The following ZZEF1 variants were observed in gnomAD, a reference collection of about 807,000 sequenced individuals.
The protein encoded by ZZEF1 is zinc finger ZZ-type and EF-hand domain containing 1, also known as zinc finger ZZ-type and EF-hand domain-containing protein 1.
ZZEF1 carries 157 observed loss-of-function variants against 342.8 expected under a neutral mutation model. That is an observed-to-expected ratio of 0.46 (90% confidence interval 0.40 to 0.52). ZZEF1 has a LOEUF of 0.52. Ranked by LOEUF, ZZEF1 falls within the 20% of genes least tolerant of loss-of-function variation. ZZEF1 has a pLI of 0.00. For synonymous variants in ZZEF1, 1,505 were observed against 1,429.1 expected, an observed-to-expected ratio of 1.05 and a Z score of -1.20; for missense variants, 3,480 against 3,725.6, an observed-to-expected ratio of 0.93 and a Z score of 1.72.
At position 4,017,828 on chromosome 17, in the gene ZZEF1, T is replaced by G. The variant is rs778211151; in HGVS notation, c.7641+8A>C. 2 of 1,614,104 alleles carry G rather than the reference T, an allele frequency of 1.2e-6. No homozygotes were observed. The highest frequency in any genetic ancestry group is 1.7e-6 in the Non-Finnish European group (2 of 1,180,016). On this transcript the variant is annotated splice_region_variant and intron_variant, in intron 47 of 54. Coordinates refer to ENST00000381638, the MANE Select transcript of ZZEF1 (RefSeq NM_015113.4). This position sits in a 1 kb window ranked among gnomAD's most constrained non-coding sequence, Gnocchi z 5.1. Reference sequence around the variant, plus strand: ...CAGATACTTTGGGTCCGAGGTCGGGTGACATACCAAGCATGGCAGGATAAT... The same window carrying G: ...CAGATACTTTGGGTCCGAGGTCGGGGGACATACCAAGCATGGCAGGATAAT...
At chr17:4,098,934 C>G (rs1293825613) in intron 9 of ZZEF1, among the ~76,000 whole-genome samples, 2 of 152,186 alleles carry the variant, frequency 1.3e-5, no homozygotes, top group Admixed American at 6.5e-5. Flanking sequence ...TGAACTCTTA[C>G]CTTTTCCCAG....
intron 44 of ZZEF1, chr17:4,022,272 A>C (rs1426326269): frequency 6.3e-6 from 1 of 158,450 alleles, no homozygotes; most frequent in Admixed American, 6.2e-5. Flanking sequence ...AGGGAACCAC[A>C]GTAGTTCCGC....
chr17:4,104,714 C>T lies in ZZEF1; in HGVS notation c.1492G>A (p.Asp498Asn). ...GCATCATACTGCGTGTCCAGATGGT[C>T]AGTGATGGTGCATAGAGAGCTCATG... is the stretch of plus-strand genomic sequence containing the variant. The part of the protein sequence containing the change: ...KVMSSLCTIT[D>N]HLDTQYDASS... The change falls in exon 8 of 55, where the codon GAC becomes AAC. Residue 498 changes from aspartate to asparagine, a missense_variant. Asp to Asn is a conservative substitution (Grantham distance 23). Transcript: ENST00000381638. 1 of 1,614,120 alleles carries T rather than the reference C, an allele frequency of 6.2e-7. No homozygotes were observed. The highest frequency in any genetic ancestry group is 8.5e-7 in the Non-Finnish European group (1 of 1,180,016).
Position 4,012,878 on chromosome 17 carries a change from C to T in ZZEF1, c.8579+571G>A, listed in dbSNP as rs1304370969. Among the ~76,000 whole-genome samples the T allele has an allele frequency of 2.0e-5, 3 of 151,886 alleles. No homozygotes were observed. In the East Asian group the frequency reaches 5.8e-4, roughly 29 times the overall value. On this transcript the variant is annotated intron_variant, in intron 52 of 54. Transcript: ENST00000381638. ...ATTATAGTATCAAAAACATTAAATA[C>T]CTAGTAATAAATTTAACAAAATGTT...
chr17:4,050,713 C>T lies in ZZEF1; in HGVS notation c.5863+68G>A, dbSNP rs528332429. The T allele has an allele frequency of 2.7e-4, 434 of 1,601,952 alleles. 3 individuals are homozygous for T. In the African/African-American group the frequency reaches 5.1e-3, roughly 19 times the overall value. Reference sequence around the variant, plus strand: ...CCTGTAAACTAAGCTTAGTATTTTACATTTGCCAAGGCTTTTTTTCACCAG... The same window carrying T: ...CCTGTAAACTAAGCTTAGTATTTTATATTTGCCAAGGCTTTTTTTCACCAG... On this transcript the variant is annotated intron_variant, in intron 36 of 54. Coordinates refer to ENST00000381638, the MANE Select transcript of ZZEF1 (RefSeq NM_015113.4).
chr17:4,067,326 C>T (rs2057420256), intron 26 of ZZEF1, 84 bp from the exon 27 acceptor site: 2 of 1,113,888 alleles, frequency 1.8e-6, no homozygotes, highest in Non-Finnish European at 2.6e-6. Flanking sequence ...TCTAAATCTG[C>T]TGAAGTACAG....
At chr17:4,131,014 G>A (rs74737121) in intron 1 of ZZEF1, among the ~76,000 whole-genome samples, 2,353 of 152,202 alleles carry the variant, frequency 0.015, 27 homozygotes, top group Middle Eastern at 0.024. Context: ...TTTCTAACCC[G>A]GAAGTCATTA....
chr17:4,017,583 A>C lies in ZZEF1; in HGVS notation c.7789T>G (p.Cys2597Gly). Residue 2597 changes from cysteine to glycine, a missense_variant, in exon 48 of 55, where the codon TGC (cysteine) becomes GGC (glycine). By Grantham distance (159) the Cys-to-Gly change is radical. Coordinates refer to ENST00000381638, the MANE Select transcript of ZZEF1 (RefSeq NM_015113.4). The surrounding 1 kb of genome is among the most constrained non-coding windows in gnomAD (Gnocchi z 5.1). ...SAALLHKELN[C>G]KSKRAVRDYL... ...TCCCGGACAGCCCTCTTACTCTTGCAGTTCAGCTCCTTGTGCAGGAGGGCG... is the reference window on the plus strand; with the variant it reads ...TCCCGGACAGCCCTCTTACTCTTGCCGTTCAGCTCCTTGTGCAGGAGGGCG... 6.2e-7 allele frequency: 1 copy of C among 1,614,188 alleles called. No individual in the cohort carries two copies. The highest frequency in any genetic ancestry group is 8.5e-7 in the Non-Finnish European group (1 of 1,180,026).
intron 1 of ZZEF1, among the ~76,000 whole-genome samples, chr17:4,137,580 C>G (rs2058772428): frequency 6.6e-6 from 1 of 152,172 alleles, no homozygotes; most frequent in Admixed American, 6.5e-5. Flanking sequence ...CCACTGCACT[C>G]CAGCCTGGGC....
In ZZEF1 at chr17:4,124,007, G is replaced by C. The variant is rs201448403; in HGVS notation, c.399C>G (p.Ala133=). ...FDAEGDGTVD[A]ENMLEALKNS... Reference sequence around the variant, plus strand: ...TCTTGAGGGCCTCCAACATGTTCTCGGCATCAACTGTCCCATCACCCTCAG... The same window carrying C: ...TCTTGAGGGCCTCCAACATGTTCTCCGCATCAACTGTCCCATCACCCTCAG... Residue 133 remains alanine, a synonymous_variant, in exon 2 of 55, where the codon GCC becomes GCG. Coordinates refer to ENST00000381638, the MANE Select transcript of ZZEF1 (RefSeq NM_015113.4). 3.1e-6 allele frequency: 5 copies of C among 1,613,684 alleles called. No individual in the cohort carries two copies. Among genetic ancestry groups the C allele is most frequent in the East Asian group, 2.2e-5 (1 of 44,848 alleles).
intron 5 of ZZEF1, among the ~76,000 whole-genome samples, chr17:4,112,356 G>A (rs920695104): frequency 1.3e-5 from 2 of 151,732 alleles, no homozygotes; most frequent in Non-Finnish European, 2.9e-5. Flanking sequence ...ATGTTGGCCA[G>A]GCTGTTTTCG....
At chr17:4,115,208 G>A in intron 3 of ZZEF1, among the ~76,000 whole-genome samples, 1 of 151,946 alleles carries the variant, frequency 6.6e-6, no homozygotes, top group East Asian at 1.9e-4. Flanking sequence ...AAATTTTTTG[G>A]AGAGATGGGG....
rs71366586 is a variant in ZZEF1 at position 4,089,607 on chromosome 17, T to C, written c.2026-714A>G. On this transcript the variant is annotated intron_variant, in intron 12 of 54. Coordinates refer to ENST00000381638, the MANE Select transcript of ZZEF1 (RefSeq NM_015113.4). ...TTCTCACTATTCTCTCAGCCTGAGG[T>C]GCCCTCCTCCACACACTGTAGCATG... 3.7e-3 allele frequency among the ~76,000 whole-genome samples: 413 copies of C among 111,294 alleles called. 15 individuals are homozygous for C. The highest frequency in any genetic ancestry group is 5.7e-3 in the Middle Eastern group (1 of 174). 73.0% of individuals were successfully genotyped at this position (111,294 alleles called of 152,430 possible).
intron 16 of ZZEF1, among the ~76,000 whole-genome samples, chr17:4,085,246 A>C (rs1283085781): frequency 6.6e-6 from 1 of 152,200 alleles, no homozygotes; most frequent in African/African-American, 2.4e-5. Flanking sequence ...GGTGAGGTAC[A>C]CTGTAGGTAA....
At chr17:4,045,074 A>G (rs1260867624) in intron 37 of ZZEF1, among the ~76,000 whole-genome samples, 1 of 152,238 alleles carries the variant, frequency 6.6e-6, no homozygotes, top group East Asian at 1.9e-4. Flanking sequence ...GAATCGCTTC[A>G]ACCCAGGAGG....
chr17:4,080,747 T>A (rs918178219), intron 18 of ZZEF1, among the ~76,000 whole-genome samples: 2 of 150,710 alleles, frequency 1.3e-5, no homozygotes, highest in African/African-American at 2.4e-5. Context: ...CACTAACACA[T>A]ATCTGTGTGT....
At chr17:4,084,788 G>C (rs1453916741) in intron 16 of ZZEF1, among the ~76,000 whole-genome samples, 1 of 152,188 alleles carries the variant, frequency 6.6e-6, no homozygotes, top group Non-Finnish European at 1.5e-5. Context: ...AAGTGGTCTA[G>C]GAGAGTGACA....
chr17:4,051,816 G>C (rs187314323), intron 35 of ZZEF1, among the ~76,000 whole-genome samples, 155 bp downstream of exon 35: 17 of 150,752 alleles, frequency 1.1e-4, no homozygotes, highest in African/African-American at 4.1e-4. Flanking sequence ...CCTGGGTAAT[G>C]GGTACATGAA....
intron 32 of ZZEF1, among the ~76,000 whole-genome samples, 164 bp downstream of exon 32, chr17:4,057,830 A>G (rs1460533908): frequency 2.0e-5 from 3 of 152,190 alleles, no homozygotes; most frequent in Non-Finnish European, 4.4e-5. Context: ...TGAGGCACAG[A>G]GGGATTATAA....
Sources: allele counts gnomAD v4.1 joint callset (sites outside exome capture counted in the v4.1 genomes callset), GRCh38; gene constraint gnomAD v4.1.1; non-coding constraint Gnocchi (gnomAD v3.1); transcripts MANE v1.5; gene names NCBI Gene and HGNC (gene_info 2026-07-23, HGNC 2026-07-21).